CADPS2: variants seen among roughly 807,000 people sequenced by gnomAD.
CADPS2 encodes calcium-dependent secretion activator 2.
A neutral mutation model predicts 172.5 loss-of-function variants in CADPS2; 93 were observed. The ratio of observed to expected loss-of-function variants is 0.54; its 90% confidence interval spans 0.46 to 0.64. CADPS2 has a LOEUF of 0.64. Among genes scored for constraint, CADPS2 ranks in the 30% least tolerant of loss-of-function variants. The pLI, the probability that CADPS2 is intolerant of heterozygous loss-of-function variation, is 0.00. For missense variants in CADPS2, 1,420 were observed against 1,565.9 expected, an observed-to-expected ratio of 0.91 and a Z score of 1.57; for synonymous variants, 546 against 555.2, an observed-to-expected ratio of 0.98 and a Z score of 0.23.
chr7:122,844,054 G>A (rs998874343), intron 1 of CADPS2, among the ~76,000 whole-genome samples: 1 of 152,230 alleles, frequency 6.6e-6, no homozygotes, highest in African/African-American at 2.4e-5. Context: ...GCACCAAGGT[G>A]AGCACAGGAC....
chr7:122,581,354 G>T, intron 6 of CADPS2, 64 bp from the exon 7 acceptor site: 2 of 1,267,110 alleles, frequency 1.6e-6, no homozygotes, highest in Non-Finnish European at 2.3e-6. Flanking sequence ...AAGGAGATGT[G>T]TCTCCATAGA....
At chr7:122,552,777 T>G (rs1468649094) in intron 8 of CADPS2, among the ~76,000 whole-genome samples, 3 of 28,806 alleles carry the variant, frequency 1.0e-4, no homozygotes, top group Non-Finnish European at 1.4e-4. Context: ...AGGTTCCTGT[T>G]TTTTTTTTTT....
intron 9 of CADPS2, among the ~76,000 whole-genome samples, chr7:122,494,161 CAT>C (rs1393915050): frequency 1.3e-5 from 2 of 152,130 alleles, no homozygotes; most frequent in East Asian, 3.9e-4. Flanking sequence ...AAAAAGAAGA[CAT>C]TTTCCCTCAG....
intron 9 of CADPS2, among the ~76,000 whole-genome samples, chr7:122,507,404 C>T (rs1409926578): frequency 6.6e-6 from 1 of 151,994 alleles, no homozygotes; most frequent in African/African-American, 2.4e-5. Flanking sequence ...TAAAAATAAC[C>T]CCAGTTTATA....
intron 2 of CADPS2, among the ~76,000 whole-genome samples, chr7:122,711,019 A>T (rs1241529847): frequency 6.6e-6 from 1 of 152,140 alleles, no homozygotes. Context: ...AGCTTTTATA[A>T]TCTATGCTTT....
chr7:122,487,439 C>T (rs1218773984), intron 11 of CADPS2, among the ~76,000 whole-genome samples: 1 of 152,056 alleles, frequency 6.6e-6, no homozygotes, highest in African/African-American at 2.4e-5. Context: ...ATAAAGACCT[C>T]TCAAAACCCA....
chr7:122,629,210 A>G, intron 4 of CADPS2, 38 bp downstream of exon 4: 1 of 1,485,638 alleles, frequency 6.7e-7, no homozygotes, highest in Non-Finnish European at 9.2e-7. Flanking sequence ...TAGGTAAAGA[A>G]AGGAATGTCA....
chr7:122,769,591 T>C (rs1001396270), intron 1 of CADPS2, among the ~76,000 whole-genome samples: 5 of 152,204 alleles, frequency 3.3e-5, no homozygotes, highest in African/African-American at 1.2e-4. Flanking sequence ...TGTTTGGAAA[T>C]GTTATTCATC....
chr7:122,717,801 T>C (rs1237049596), intron 2 of CADPS2, among the ~76,000 whole-genome samples: 1 of 151,944 alleles, frequency 6.6e-6, no homozygotes, highest in Non-Finnish European at 1.5e-5. Context: ...AAGAGCAGTA[T>C]ATCCCACATT....
chr7:122,771,068 C>A (rs546965443), intron 1 of CADPS2, among the ~76,000 whole-genome samples: 5 of 152,278 alleles, frequency 3.3e-5, no homozygotes, highest in East Asian at 1.9e-4. Flanking sequence ...AATGCCCATA[C>A]TGAGGCTGAA....
At chr7:122,778,861 G>C (rs1466201607) in intron 1 of CADPS2, among the ~76,000 whole-genome samples, 2 of 152,168 alleles carry the variant, frequency 1.3e-5, no homozygotes, top group Non-Finnish European at 2.9e-5. Flanking sequence ...AGGGACCAGG[G>C]GTGGAATGAT....
At chr7:122,481,914 G>A (rs1407689814) in intron 11 of CADPS2, among the ~76,000 whole-genome samples, 1 of 151,824 alleles carries the variant, frequency 6.6e-6, no homozygotes, top group Non-Finnish European at 1.5e-5. Context: ...AGATTACTTG[G>A]GAGGCTACTT....
At chr7:122,860,253 G>C (rs1362657668) in intron 1 of CADPS2, among the ~76,000 whole-genome samples, 1 of 152,004 alleles carries the variant, frequency 6.6e-6, no homozygotes, top group Admixed American at 6.6e-5. Context: ...TTTTAAGACA[G>C]GGTATCACTC....
intron 9 of CADPS2, among the ~76,000 whole-genome samples, chr7:122,501,044 TAG>T (rs1251500315): frequency 6.6e-6 from 1 of 151,786 alleles, no homozygotes; most frequent in Non-Finnish European, 1.5e-5. Context: ...CACTTGAGGC[TAG>T]GAGTTCAAGA....
chr7:122,698,459 T>A (rs776932887), intron 2 of CADPS2: 1 of 1,613,922 alleles, frequency 6.2e-7, no homozygotes, highest in East Asian at 2.2e-5. Flanking sequence ...TTACCAATCA[T>A]AACCACAACG....
chr7:122,801,271 T>C (rs1274333185), intron 1 of CADPS2, among the ~76,000 whole-genome samples: 2 of 152,118 alleles, frequency 1.3e-5, no homozygotes, highest in Non-Finnish European at 2.9e-5. Context: ...ATGTACGTTA[T>C]AAGAAATGCT....
At chr7:122,773,236 C>T (rs2093759070) in intron 1 of CADPS2, among the ~76,000 whole-genome samples, 1 of 151,966 alleles carries the variant, frequency 6.6e-6, no homozygotes, top group East Asian at 1.9e-4. Context: ...ACGTGGTGAA[C>T]ATGTTTCCAT....
chr7:122,705,899 A>T (rs865901830), intron 2 of CADPS2, among the ~76,000 whole-genome samples: 56 of 2,546 alleles, frequency 0.022, 18 homozygotes, highest in African/African-American at 0.06. Context: ...ATATAATATA[A>T]TATATAATAT....
chr7:122,834,917 G>C (rs2140731692), intron 1 of CADPS2, among the ~76,000 whole-genome samples: 1 of 152,310 alleles, frequency 6.6e-6, no homozygotes, highest in African/African-American at 2.4e-5. Context: ...GTCCCTGTCT[G>C]ACAGCTTTGA....
Sources: allele counts gnomAD v4.1 joint callset (sites outside exome capture counted in the v4.1 genomes callset), GRCh38; gene constraint gnomAD v4.1.1; transcripts MANE v1.5; gene names NCBI Gene and HGNC (gene_info 2026-07-23, HGNC 2026-07-21).